Variants in IQCJ observed in about 807,000 individuals in gnomAD.
IQCJ encodes IQ domain-containing protein J.
A neutral mutation model predicts 11.0 loss-of-function variants in IQCJ; 9 were observed. The ratio of observed to expected loss-of-function variants is 0.82; its 90% CI spans 0.49 to 1.43. The LOEUF is 1.43. Among genes scored for constraint, IQCJ ranks in the 40% most tolerant of loss-of-function variants. The probability of loss-of-function intolerance (pLI) is 0.00; values close to 1 mark genes in which losing one functional copy is unlikely to be tolerated. For missense variants in IQCJ, 146 were observed against 133.2 expected, an observed-to-expected ratio of 1.10 and a Z score of -0.47; for synonymous variants, 55 against 51.3, an observed-to-expected ratio of 1.07 and a Z score of -0.31.
chr3:159,176,961 T>C (rs1382844544), intron 1 of IQCJ, among the ~76,000 whole-genome samples: 2 of 152,292 alleles, frequency 1.3e-5, no homozygotes, highest in East Asian at 3.9e-4. Context: ...AAAAAGCTAA[T>C]TTCATCTTTG....
intron 1 of IQCJ, among the ~76,000 whole-genome samples, chr3:159,090,332 G>T (rs1717167730): frequency 6.6e-6 from 1 of 151,792 alleles, no homozygotes; most frequent in African/African-American, 2.4e-5. Context: ...TCTCTTCAAA[G>T]CTCAGATGGA....
intron 1 of IQCJ, among the ~76,000 whole-genome samples, chr3:159,237,798 A>G (rs1020869406): frequency 2.0e-5 from 3 of 152,238 alleles, no homozygotes; most frequent in African/African-American, 7.2e-5. Flanking sequence ...AGCTTCTCCT[A>G]TAAAGATTAA....
At chr3:159,157,216 C>T (rs186138673) in intron 1 of IQCJ, among the ~76,000 whole-genome samples, 67 of 152,300 alleles carry the variant, frequency 4.4e-4, no homozygotes, top group African/African-American at 1.5e-3. Flanking sequence ...CTGGCTCAGG[C>T]TTTGGCATTC....
At chr3:159,087,121 G>C (rs1283972741) in intron 1 of IQCJ, among the ~76,000 whole-genome samples, 3 of 152,138 alleles carry the variant, frequency 2.0e-5, no homozygotes, top group Non-Finnish European at 2.9e-5. Flanking sequence ...AGAGTTTTTA[G>C]CATGAAGGGT....
At chr3:159,142,495 C>A (rs541810989) in intron 1 of IQCJ, among the ~76,000 whole-genome samples, 107 of 152,062 alleles carry the variant, frequency 7.0e-4, no homozygotes, top group African/African-American at 2.5e-3. Context: ...TGGCTCACTG[C>A]AATGTCCACC....
chr3:159,160,874 T>C (rs549907079), intron 1 of IQCJ, among the ~76,000 whole-genome samples: 1 of 152,312 alleles, frequency 6.6e-6, no homozygotes, highest in African/African-American at 2.4e-5. Context: ...ATCATTTTTA[T>C]GGCTGCATAG....
intron 2 of IQCJ, among the ~76,000 whole-genome samples, chr3:159,247,032 G>A (rs1418693793): frequency 1.3e-5 from 2 of 152,188 alleles, no homozygotes; most frequent in Non-Finnish European, 2.9e-5. Context: ...CAACACTCCT[G>A]TAACAAAAGA....
chr3:159,190,188 A>G (rs1723602119), intron 1 of IQCJ, among the ~76,000 whole-genome samples: 1 of 152,182 alleles, frequency 6.6e-6, no homozygotes. Context: ...AGTGGGTGGA[A>G]AAACCTCTCC....
At chr3:159,161,558 G>T (rs369664024) in intron 1 of IQCJ, among the ~76,000 whole-genome samples, 202 of 152,182 alleles carry the variant, frequency 1.3e-3, no homozygotes, top group African/African-American at 4.7e-3. Flanking sequence ...GTCAATTTTG[G>T]CTTTTGTTGC....
At chr3:159,196,512 G>T (rs911113466) in intron 1 of IQCJ, among the ~76,000 whole-genome samples, 1 of 152,120 alleles carries the variant, frequency 6.6e-6, no homozygotes, top group Non-Finnish European at 1.5e-5. Flanking sequence ...GTATTTTTTG[G>T]AAGTTCTCCA....
At chr3:159,084,933 ATAC>A (rs1454941646) in intron 1 of IQCJ, among the ~76,000 whole-genome samples, 4 of 150,504 alleles carry the variant, frequency 2.7e-5, no homozygotes, top group Non-Finnish European at 5.9e-5. Flanking sequence ...TATTATTATT[ATAC>A]TTTAAGTTTT....
At chr3:159,209,252 A>G (rs947399657) in intron 1 of IQCJ, among the ~76,000 whole-genome samples, 3 of 152,166 alleles carry the variant, frequency 2.0e-5, no homozygotes, top group African/African-American at 7.2e-5. Context: ...CAGAGACTAC[A>G]GTAGATGTGG....
intron 1 of IQCJ, among the ~76,000 whole-genome samples, chr3:159,180,593 T>G (rs1238174693): frequency 6.6e-6 from 1 of 151,786 alleles, no homozygotes; most frequent in Non-Finnish European, 1.5e-5. Context: ...TGGAGAGAGA[T>G]AGGGCAGGAG....
At chr3:159,087,004 C>A (rs1403121408) in intron 1 of IQCJ, among the ~76,000 whole-genome samples, 6 of 152,128 alleles carry the variant, frequency 3.9e-5, no homozygotes, top group South Asian at 2.1e-4. Flanking sequence ...CCAGTTTTCA[C>A]AGGGAATGCT....
intron 1 of IQCJ, among the ~76,000 whole-genome samples, chr3:159,165,124 G>T (rs13101053): frequency 4.6e-5 from 7 of 152,144 alleles, no homozygotes; most frequent in Non-Finnish European, 8.8e-5. Context: ...AGGTGAAATG[G>T]ATGTAGGCCT....
chr3:159,188,203 C>T (rs1040108275), intron 1 of IQCJ, among the ~76,000 whole-genome samples: 1 of 152,072 alleles, frequency 6.6e-6, no homozygotes, highest in African/African-American at 2.4e-5. Context: ...CTGAGGTCAG[C>T]AGTTCGAGAT....
intron 1 of IQCJ, among the ~76,000 whole-genome samples, chr3:159,200,872 G>A (rs751687669): frequency 2.6e-5 from 4 of 152,122 alleles, no homozygotes; most frequent in Non-Finnish European, 4.4e-5. Flanking sequence ...GGCTGAGGGC[G>A]GGGTCCCACC....
At chr3:159,147,311 CAG>C (rs926478630) in intron 1 of IQCJ, among the ~76,000 whole-genome samples, 1 of 152,222 alleles carries the variant, frequency 6.6e-6, no homozygotes, top group African/African-American at 2.4e-5. Flanking sequence ...TCATTTTCAG[CAG>C]GTCGTAAGAA....
At chr3:159,260,433 T>C (rs913047377) in intron 3 of IQCJ, among the ~76,000 whole-genome samples, 6 of 152,240 alleles carry the variant, frequency 3.9e-5, no homozygotes, top group African/African-American at 1.4e-4. Context: ...TTAGACAGCC[T>C]TTAAAATGTT....
Sources: gnomAD v4.1 joint callset for allele counts (sites outside exome capture counted in the v4.1 genomes callset) on GRCh38, gnomAD v4.1.1 for gene constraint, MANE v1.5 for transcripts, NCBI Gene and HGNC (gene_info 2026-07-23, HGNC 2026-07-21) for gene names.